Variants in MBD5 observed in about 807,000 individuals in gnomAD.
MBD5 encodes methyl-CpG binding domain protein 5.
In MBD5, 13 loss-of-function variants were observed where a neutral mutation model predicts 117.3. That is an observed-to-expected ratio of 0.11 (90% confidence interval 0.07 to 0.18). The LOEUF (loss-of-function observed/expected upper bound fraction) is 0.18, where lower values mean the gene tolerates loss of function less well. Among genes scored for constraint, MBD5 ranks in the 10% least tolerant of loss-of-function variants. MBD5 has a pLI of 1.00. For synonymous variants in MBD5, 727 were observed against 766.4 expected (o/e 0.95, Z 0.85); for missense variants, 1,879 against 2,093.8 (o/e 0.90, Z 2.00).
At chr2:148,263,042 TTTGA>T (rs1283774932) in intron 3 of MBD5, among the ~76,000 whole-genome samples, 1 of 152,160 alleles carries the variant, frequency 6.6e-6, no homozygotes, top group Non-Finnish European at 1.5e-5. Context: ...TCATGCGTTG[TTTGA>T]TTGACTAGGT....
chr2:148,308,240 T>C (rs1701940960), intron 3 of MBD5, among the ~76,000 whole-genome samples: 1 of 152,140 alleles, frequency 6.6e-6, no homozygotes, highest in Non-Finnish European at 1.5e-5. Flanking sequence ...ATGGTTGAAT[T>C]AATTTACCCT....
Position 148,021,411 on chromosome 2 carries a change from G to A in MBD5, c.-1198G>A. The A allele has an allele frequency of 1.9e-6, 1 of 531,792 alleles. No individual in the cohort carries two copies. Among genetic ancestry groups the A allele is most frequent in the South Asian group, 1.5e-5 (1 of 64,538 alleles). The allele number at this position is 531,792 out of a possible 1,614,324, so 32.9% of individuals were successfully genotyped here. On this transcript the variant is annotated 5_prime_UTR_variant, in exon 1 of 14. Transcript: ENST00000642680. The stretch of plus-strand genomic sequence containing the variant: ...TCCTCCTCTTTGGCCGTGAGAGGAG[G>A]AGAGAAAGAAACCAAAAGCCTCTTA...
intron 1 of MBD5, among the ~76,000 whole-genome samples, chr2:148,060,783 C>A (rs1473754842): frequency 6.6e-6 from 1 of 152,046 alleles, no homozygotes; most frequent in Non-Finnish European, 1.5e-5. Flanking sequence ...CAAATCATAT[C>A]TATGATTTTT....
chr2:148,512,831 T>C, intron 13 of MBD5, 39 bp from the exon 14 acceptor site: 1 of 1,562,690 alleles, frequency 6.4e-7, no homozygotes, highest in Non-Finnish European at 8.8e-7. Context: ...GATTTCATCC[T>C]CTGTTGTTGT....
At chr2:148,143,097 A>G (rs1697357927) in intron 1 of MBD5, among the ~76,000 whole-genome samples, 1 of 152,190 alleles carries the variant, frequency 6.6e-6, no homozygotes, top group African/African-American at 2.4e-5. Flanking sequence ...AATAGGGTTT[A>G]AAAAATTGTT....
At chr2:148,310,611 AT>A (rs941389539) in intron 3 of MBD5, among the ~76,000 whole-genome samples, 4 of 151,594 alleles carry the variant, frequency 2.6e-5, no homozygotes, top group African/African-American at 7.3e-5. Context: ...GGATTCATTG[AT>A]TTTTTTTGAA....
At chr2:148,187,690 C>G (rs1409113642) in intron 2 of MBD5, among the ~76,000 whole-genome samples, 1 of 151,032 alleles carries the variant, frequency 6.6e-6, no homozygotes, top group Non-Finnish European at 1.5e-5. Flanking sequence ...ATTCTATAAC[C>G]AGGAAAAAAC....
intron 4 of MBD5, among the ~76,000 whole-genome samples, chr2:148,384,373 A>G (rs942351100): frequency 3.3e-5 from 5 of 151,948 alleles, no homozygotes; most frequent in Admixed American, 3.3e-4. Context: ...TGCTTCAAAG[A>G]GAATAAAATA....
At chr2:148,458,173 T>G (rs1706943914) in intron 4 of MBD5, 30 bp from the exon 5 acceptor site, 1 of 399,056 alleles carries the variant, frequency 2.5e-6, no homozygotes, top group Admixed American at 4.4e-5. Flanking sequence ...ACATTAAATA[T>G]ACAAGTTCAC....
intron 3 of MBD5, among the ~76,000 whole-genome samples, chr2:148,323,349 G>C (rs1702342722): frequency 6.6e-6 from 1 of 151,840 alleles, no homozygotes; most frequent in African/African-American, 2.4e-5. Flanking sequence ...ATAGTCCTTT[G>C]GGTATATACC....
chr2:148,122,629 A>G (rs959214717), intron 1 of MBD5, among the ~76,000 whole-genome samples: 2 of 152,170 alleles, frequency 1.3e-5, no homozygotes, highest in Non-Finnish European at 2.9e-5. Flanking sequence ...TAAAAGAAGT[A>G]TTTTATTTTC....
intron 3 of MBD5, among the ~76,000 whole-genome samples, chr2:148,299,465 T>G (rs780610252): frequency 7.2e-5 from 11 of 152,312 alleles, no homozygotes; most frequent in Non-Finnish European, 1.5e-4. Flanking sequence ...TAAAGTTGTT[T>G]GTAACTTTAG....
chr2:148,217,097 C>T (rs897658886), intron 2 of MBD5, among the ~76,000 whole-genome samples: 2 of 152,148 alleles, frequency 1.3e-5, no homozygotes, highest in African/African-American at 4.8e-5. Flanking sequence ...AACCTACACC[C>T]CGGATCCCTG....
rs76244201 is a variant in MBD5, at chr2:148,356,345, G to A, written c.-557+14009G>A. ...TCCCATGCCTGGAATTTTTGCTCTGGTTTCCTTATTTTTTTTCTTCATAGC... is the reference window on the plus strand; with the variant it reads ...TCCCATGCCTGGAATTTTTGCTCTGATTTCCTTATTTTTTTTCTTCATAGC... On this transcript the variant is annotated intron_variant, in intron 4 of 13. Coordinates refer to ENST00000642680, the MANE Select transcript of MBD5 (RefSeq NM_001378120.1). 3.8e-3 allele frequency among the ~76,000 whole-genome samples: 574 copies of A among 151,970 alleles called. 3 individuals are homozygous for A. Among genetic ancestry groups the A allele is most frequent in the African/African-American group, 0.013 (532 of 41,460 alleles).
intron 2 of MBD5, among the ~76,000 whole-genome samples, chr2:148,224,509 A>ATTTTTTTTTTTTTTTTTTTTTT (rs34659671): frequency 2.1e-4 from 12 of 58,182 alleles, no homozygotes; most frequent in African/African-American, 9.6e-4. Context: ...CGCCTGGCTA[A>ATTTTTTTTTTTTTTTTTTTTTT]TTTTTTTTTT....
intron 4 of MBD5, among the ~76,000 whole-genome samples, chr2:148,390,357 G>C (rs568604804): frequency 6.6e-6 from 1 of 151,486 alleles, no homozygotes; most frequent in East Asian, 1.9e-4. Flanking sequence ...CTCCTTAAAG[G>C]CCGTATTTCT....
intron 3 of MBD5, among the ~76,000 whole-genome samples, chr2:148,325,140 T>C (rs1209127999): frequency 3.3e-5 from 5 of 152,236 alleles, no homozygotes; most frequent in South Asian, 2.1e-4. Context: ...ATTATATTTA[T>C]TGATTTGCAT....
At chr2:148,428,267 A>G (rs1428877204) in intron 4 of MBD5, among the ~76,000 whole-genome samples, 1 of 152,200 alleles carries the variant, frequency 6.6e-6, no homozygotes, top group Non-Finnish European at 1.5e-5. Flanking sequence ...AGAATAAAAT[A>G]CCTAGGAATA....
chr2:148,105,092 T>G (rs1696333868), intron 1 of MBD5, among the ~76,000 whole-genome samples: 1 of 152,182 alleles, frequency 6.6e-6, no homozygotes, highest in South Asian at 2.1e-4. Context: ...AAGCTGTATT[T>G]TTCTAGGAAT....
Sources: allele counts gnomAD v4.1 joint callset (sites outside exome capture counted in the v4.1 genomes callset), GRCh38; gene constraint gnomAD v4.1.1; transcripts MANE v1.5; gene names NCBI Gene and HGNC (gene_info 2026-07-23, HGNC 2026-07-21).